Variants in PCYT1A observed in about 807,000 individuals in gnomAD.
PCYT1A encodes phosphate cytidylyltransferase 1A, choline, also known as choline-phosphate cytidylyltransferase A.
In PCYT1A, 25 loss-of-function variants were observed where a neutral mutation model predicts 43.7. The observed-to-expected ratio is 0.57, with a 90% CI of 0.42 to 0.80. The LOEUF is 0.80. Ranked by LOEUF, PCYT1A falls within the 30% of genes least tolerant of loss-of-function variation. The pLI is 0.00. For synonymous variants in PCYT1A, 172 were observed against 170.7 expected, an observed-to-expected ratio of 1.01 and a Z score of -0.06; for missense variants, 421 against 474.2, an observed-to-expected ratio of 0.89 and a Z score of 1.04.
chr3:196,240,172 T>C (rs1724306995), intron 7 of PCYT1A, among the ~76,000 whole-genome samples: 1 of 152,258 alleles, frequency 6.6e-6, no homozygotes, highest in Admixed American at 6.5e-5. Flanking sequence ...ATCTTTTACT[T>C]AATTAATCTG....
At chr3:196,276,989 A>G (rs1181663991) in intron 1 of PCYT1A, among the ~76,000 whole-genome samples, 2 of 151,494 alleles carry the variant, frequency 1.3e-5, no homozygotes, top group Admixed American at 6.6e-5. Flanking sequence ...TGGCACTTTG[A>G]GAGGCCAAGG....
rs1560163750 is a variant in PCYT1A at position 196,245,143 on chromosome 3, C to CCT, written c.486+2223_486+2224insAG. ...ATCCTCAGGATCTATCATTTCACTA[C>CCT]TTTTTTTTTTTTTTTTGAGACCGAG... On this transcript the variant is annotated intron_variant, in intron 5 of 8. Coordinates refer to ENST00000431016, the MANE Select transcript of PCYT1A (RefSeq NM_001312673.2). Among the ~76,000 whole-genome samples, 13 of 142,098 alleles carry CCT rather than the reference C, an allele frequency of 9.1e-5. 2 individuals are homozygous for CCT. The highest frequency in any genetic ancestry group is 2.2e-4 in the South Asian group (1 of 4,450). The allele number at this position is 142,098 out of a possible 152,430, so 93.2% of individuals were successfully genotyped here.
intron 2 of PCYT1A, among the ~76,000 whole-genome samples, chr3:196,266,480 T>A (rs1327036981): frequency 1.3e-5 from 2 of 150,534 alleles, no homozygotes; most frequent in South Asian, 2.1e-4. Flanking sequence ...CTCAAAAAAA[T>A]AAATAAATAA....
chr3:196,251,877 T>C (rs1299608650), intron 3 of PCYT1A, among the ~76,000 whole-genome samples: 1 of 152,220 alleles, frequency 6.6e-6, no homozygotes, highest in East Asian at 1.9e-4. Flanking sequence ...TTTTGTATTT[T>C]ATGGATATTA....
intron 1 of PCYT1A, among the ~76,000 whole-genome samples, chr3:196,272,533 G>C (rs1450778398): frequency 6.6e-6 from 1 of 152,120 alleles, no homozygotes; most frequent in Non-Finnish European, 1.5e-5. Flanking sequence ...TGGCCAGGCT[G>C]GTCTTGAACT....
At chr3:196,240,686 A>G (rs565129423) in intron 7 of PCYT1A, 1 of 152,292 alleles carries the variant, frequency 6.6e-6, no homozygotes, top group East Asian at 1.9e-4. Flanking sequence ...GTGTGACTCT[A>G]TCTCAAAAAA....
chr3:196,280,440 C>T (rs1725730643), intron 1 of PCYT1A, among the ~76,000 whole-genome samples: 1 of 152,000 alleles, frequency 6.6e-6, no homozygotes, highest in East Asian at 1.9e-4. Context: ...ATCTATACCC[C>T]CTATATACTT....
intron 1 of PCYT1A, among the ~76,000 whole-genome samples, chr3:196,286,785 A>G (rs1407870915): frequency 2.0e-5 from 3 of 152,168 alleles, no homozygotes; most frequent in Non-Finnish European, 4.4e-5. Flanking sequence ...GTGGTGGCGC[A>G]TGCCTGTAAT....
chr3:196,283,886 A>G (rs1182256529), intron 1 of PCYT1A, among the ~76,000 whole-genome samples: 1 of 152,208 alleles, frequency 6.6e-6, no homozygotes, highest in Non-Finnish European at 1.5e-5. Flanking sequence ...AATGTCAAAG[A>G]TGTACAAGCA....
rs1379910880 is a variant in PCYT1A at position 196,237,446 on chromosome 3, C to T, written c.*1242G>A. 2 of 152,242 alleles carry T rather than the reference C, an allele frequency of 1.3e-5. No homozygotes were observed. The highest frequency in any genetic ancestry group is 2.9e-5 in the Non-Finnish European group (2 of 68,062). 9.4% of individuals were successfully genotyped at this position (152,242 alleles called of 1,614,324 possible). ...GTGTGAAAAGTGGGGAGAAAACCTA[C>T]CACACTCTTGTCACGTGAGGGTATG... On this transcript the variant is annotated 3_prime_UTR_variant, in exon 9 of 9. Transcript: ENST00000431016.
chr3:196,261,174 T>C (rs1329525734), intron 2 of PCYT1A, among the ~76,000 whole-genome samples: 1 of 152,056 alleles, frequency 6.6e-6, no homozygotes, highest in Non-Finnish European at 1.5e-5. Flanking sequence ...TGCCAGGAGG[T>C]AGCTGGAGGG....
In PCYT1A at chr3:196,234,933, T is replaced by C. The variant is rs1273550951; in HGVS notation, c.*3755A>G. The stretch of plus-strand genomic sequence containing the variant: ...ATAGAACCTTTAAAAATACTTATAT[T>C]GGTAAGCTTAAAAAAATATCATCAG... On this transcript the variant is annotated 3_prime_UTR_variant, in exon 9 of 9. Coordinates refer to ENST00000431016, the MANE Select transcript of PCYT1A (RefSeq NM_001312673.2). 1 of 152,206 alleles carries C rather than the reference T, an allele frequency of 6.6e-6. No homozygotes were observed. Among genetic ancestry groups the C allele is most frequent in the Non-Finnish European group, 1.5e-5 (1 of 68,038 alleles). The allele number at this position is 152,206 out of a possible 1,614,324, so 9.4% of individuals were successfully genotyped here. A position where few individuals can be genotyped will look rare whatever the true frequency, so the allele number is the denominator to read the frequency against.
intron 2 of PCYT1A, 51 bp downstream of exon 2, chr3:196,270,364 C>T (rs1410075452): frequency 9.5e-7 from 1 of 1,049,628 alleles, no homozygotes; most frequent in Admixed American, 1.8e-5. Flanking sequence ...CTGATATCAT[C>T]AATGTCATAT....
rs1724386364 is a variant in PCYT1A, at chr3:196,242,407, G to C, written c.565+155C>G. The C allele has an allele frequency of 1.4e-6, 1 of 721,836 alleles. No individual in the cohort carries two copies. Among genetic ancestry groups the C allele is most frequent in the African/African-American group, 1.7e-5 (1 of 57,476 alleles). 44.7% of individuals were successfully genotyped at this position (721,836 alleles called of 1,614,324 possible). On this transcript the variant is annotated intron_variant, in intron 6 of 8. Transcript: ENST00000431016. This position sits in a 1 kb window ranked among gnomAD's most constrained non-coding sequence, Gnocchi z 4.2. ...ATGAACTGACGACAAAGAATTGATG[G>C]GTGCTATGCTCATCTTTACCTTTTA... is the stretch of plus-strand genomic sequence containing the variant.
At chr3:196,241,487 A>G (rs1414391625) in intron 7 of PCYT1A, 1 of 1,285,586 alleles carries the variant, frequency 7.8e-7, no homozygotes, top group Non-Finnish European at 1.0e-6. Context: ...AAAAATATAT[A>G]GAGTTTCTAA....
At chr3:196,286,890 G>A (rs1202879541) in intron 1 of PCYT1A, among the ~76,000 whole-genome samples, 1 of 152,146 alleles carries the variant, frequency 6.6e-6, no homozygotes, top group Admixed American at 6.5e-5. Context: ...CTCCAGCCTG[G>A]GCAACAAGAG....
Position 196,238,709 on chromosome 3 carries a change from G to C in PCYT1A, c.1083C>G (p.Ile361Met). The C allele has an allele frequency of 6.4e-7, 1 of 1,569,046 alleles. No individual in the cohort carries two copies. The highest frequency in any genetic ancestry group is 8.6e-7 in the Non-Finnish European group (1 of 1,158,710). The change falls in exon 9 of 9, where the codon ATC (isoleucine) becomes ATG (methionine). Residue 361 changes from isoleucine to methionine, a missense_variant. By Grantham distance (10) the Ile-to-Met change is conservative. Transcript: ENST00000431016. Reference sequence around the variant, plus strand: ...AACATTAGTCTTCTTCATCCTCACTGATATCATAGGCTGCAGCCTTGTGCC... The same window carrying C: ...AACATTAGTCTTCTTCATCCTCACTCATATCATAGGCTGCAGCCTTGTGCC... ...LSRHKAAAYDISEDEED is the reference protein window; with the variant it reads ...LSRHKAAAYDMSEDEED
At chr3:196,245,547 T>G (rs1032286009) in intron 5 of PCYT1A, among the ~76,000 whole-genome samples, 3 of 152,214 alleles carry the variant, frequency 2.0e-5, no homozygotes, top group Non-Finnish European at 4.4e-5. Context: ...CCTTCCTGTA[T>G]GGGCCACCAG....
intron 2 of PCYT1A, among the ~76,000 whole-genome samples, chr3:196,262,802 G>GGCTTT (rs1725154305): frequency 3.1e-5 from 2 of 65,132 alleles, no homozygotes; most frequent in Non-Finnish European, 6.7e-5. Context: ...TTTTTTTTTT[G>GGCTTT]GCTTTTTTTT....
Sources: gnomAD v4.1 joint callset for allele counts (sites outside exome capture counted in the v4.1 genomes callset) on GRCh38, gnomAD v4.1.1 for gene constraint, Gnocchi (gnomAD v3.1) non-coding constraint, MANE v1.5 for transcripts, NCBI Gene and HGNC (gene_info 2026-07-23, HGNC 2026-07-21) for gene names.